The following GABRA3 variants were observed in gnomAD, a reference collection of about 807,000 sequenced individuals.
The protein encoded by GABRA3 is gamma-aminobutyric acid type A receptor subunit alpha3.
Under a neutral mutation model 30.1 loss-of-function variants are expected in GABRA3, and 10 were observed. That is an observed-to-expected ratio of 0.33 (90% CI 0.20 to 0.56). The LOEUF is 0.56. Ranked by LOEUF, GABRA3 falls within the 20% of genes least tolerant of loss-of-function variation. GABRA3 has a pLI of 0.89. For missense variants in GABRA3, 233 were observed against 392.0 expected, an observed-to-expected ratio of 0.59 and a Z score of 3.42; for synonymous variants, 151 against 146.8, an observed-to-expected ratio of 1.03 and a Z score of -0.21.
At chrX:152,267,365 C>A (rs1167307048) in intron 4 of GABRA3, among the ~76,000 whole-genome samples, 1 of 111,831 alleles carries the variant, frequency 8.9e-6, no homozygotes, top group African/African-American at 3.2e-5. Context: ...ATGAATCTTA[C>A]TTGATTATGG....
chrX:152,182,968 T>C, intron 9 of GABRA3, among the ~76,000 whole-genome samples: 1 of 104,744 alleles, frequency 9.5e-6, no homozygotes, highest in Non-Finnish European at 2.0e-5. Context: ...TGCTAGAATT[T>C]TGTTGAGGAT....
intron 5 of GABRA3, among the ~76,000 whole-genome samples, chrX:152,228,252 T>G (rs1938003373): frequency 8.9e-6 from 1 of 111,824 alleles, no homozygotes. Context: ...ATTGACATGT[T>G]TAAGAACTAA....
chrX:152,237,060 A>T (rs1938234725), intron 5 of GABRA3, among the ~76,000 whole-genome samples: 1 of 109,622 alleles, frequency 9.1e-6, no homozygotes, highest in South Asian at 3.9e-4. Context: ...TTGGACATGA[A>T]GTCCTTGCCC....
At chrX:152,300,611 T>C (rs764654980) in intron 3 of GABRA3, among the ~76,000 whole-genome samples, 11 of 112,712 alleles carry the variant, frequency 9.8e-5, no homozygotes, top group African/African-American at 3.5e-4. Context: ...TCAACTATTA[T>C]AACTCTGTTT....
At chrX:152,317,353 T>C (rs1284958439) in intron 3 of GABRA3, among the ~76,000 whole-genome samples, 1 of 111,512 alleles carries the variant, frequency 9.0e-6, no homozygotes, top group Non-Finnish European at 1.9e-5. Context: ...ATGAGATAGA[T>C]AGTAACACAA....
intron 1 of GABRA3, among the ~76,000 whole-genome samples, chrX:152,429,171 G>A (rs1109840): frequency 0.16 from 17,340 of 110,236 alleles, 1,142 homozygotes; most frequent in African/African-American, 0.26. Flanking sequence ...AGAAGGAAAT[G>A]CAGGGAAAAG....
chrX:152,309,968 A>G (rs187869178), intron 3 of GABRA3, among the ~76,000 whole-genome samples: 2 of 112,480 alleles, frequency 1.8e-5, no homozygotes, highest in Admixed American at 1.9e-4. Context: ...ATCCAAAAAA[A>G]GCAGGAGTTG....
chrX:152,334,842 C>T (rs1057283346), intron 3 of GABRA3, among the ~76,000 whole-genome samples: 2 of 111,176 alleles, frequency 1.8e-5, no homozygotes, highest in Non-Finnish European at 3.8e-5. Context: ...ATATTTAAAC[C>T]GAGAACCATT....
At chrX:152,289,840 A>G (rs1241738569) in intron 3 of GABRA3, among the ~76,000 whole-genome samples, 2 of 111,756 alleles carry the variant, frequency 1.8e-5, no homozygotes, top group Non-Finnish European at 3.8e-5. Context: ...TGCAAAGGAC[A>G]TGAACTCATC....
At chrX:152,169,668 C>T (rs774731413) in intron 9 of GABRA3, among the ~76,000 whole-genome samples, 1 of 111,825 alleles carries the variant, frequency 8.9e-6, no homozygotes, top group Admixed American at 9.5e-5. Flanking sequence ...GGTTTGTTGC[C>T]TCATTCCTCA....
chrX:152,386,572 A>T (rs1929319224), intron 1 of GABRA3, among the ~76,000 whole-genome samples: 1 of 109,063 alleles, frequency 9.2e-6, no homozygotes, highest in Admixed American at 9.9e-5. Flanking sequence ...GCCATCAGAG[A>T]AATGCAAATC....
chrX:152,278,086 T>A (rs1939121756), intron 4 of GABRA3, among the ~76,000 whole-genome samples: 1 of 112,327 alleles, frequency 8.9e-6, no homozygotes, highest in South Asian at 3.7e-4. Context: ...ATTGATACGT[T>A]ATTTCAGATG....
chrX:152,418,264 A>T (rs1046008103), intron 1 of GABRA3, among the ~76,000 whole-genome samples: 5 of 111,464 alleles, frequency 4.5e-5, no homozygotes, highest in Non-Finnish European at 9.4e-5. Context: ...TAACCTAAAC[A>T]AAATTTACTG....
At chrX:152,178,454 A>T (rs1937103124) in intron 9 of GABRA3, among the ~76,000 whole-genome samples, 1 of 111,973 alleles carries the variant, frequency 8.9e-6, no homozygotes, top group Non-Finnish European at 1.9e-5. Flanking sequence ...AATGACCCAT[A>T]GACTTAAAAG....
chrX:152,249,580 T>C (rs1257548911), intron 5 of GABRA3, among the ~76,000 whole-genome samples: 2 of 110,757 alleles, frequency 1.8e-5, no homozygotes, highest in Non-Finnish European at 3.8e-5. Context: ...CAGAGTGATC[T>C]ATCTTAAATG....
chrX:152,375,158 G>C (rs1928961554), intron 1 of GABRA3, among the ~76,000 whole-genome samples: 1 of 111,731 alleles, frequency 9.0e-6, no homozygotes, highest in Non-Finnish European at 1.9e-5. Context: ...AACCAAAAAA[G>C]AGCCCAAATA....
intron 5 of GABRA3, among the ~76,000 whole-genome samples, chrX:152,235,081 T>A (rs1417794644): frequency 2.7e-5 from 3 of 111,880 alleles, no homozygotes; most frequent in African/African-American, 9.7e-5. Flanking sequence ...TTTTAACAAT[T>A]TTGACTCTTC....
chrX:152,279,848 T>C (rs896261209), intron 4 of GABRA3, among the ~76,000 whole-genome samples: 4 of 111,414 alleles, frequency 3.6e-5, no homozygotes, highest in Non-Finnish European at 7.5e-5. Context: ...GTTGGATTCC[T>C]AGGTATTTTA....
At chrX:152,318,130 G>T (rs1019386995) in intron 3 of GABRA3, among the ~76,000 whole-genome samples, 6 of 111,335 alleles carry the variant, frequency 5.4e-5, no homozygotes, top group Non-Finnish European at 1.9e-5. Context: ...TGAAATGGGA[G>T]ATATTACAGC....
Sources: gnomAD v4.1 joint callset for allele counts (sites outside exome capture counted in the v4.1 genomes callset) on GRCh38, gnomAD v4.1.1 for gene constraint, MANE v1.5 for transcripts, NCBI Gene and HGNC (gene_info 2026-07-23, HGNC 2026-07-21) for gene names.